MAP3K21: variants seen among roughly 807,000 people sequenced by gnomAD.
MAP3K21 encodes mitogen-activated protein kinase kinase kinase MLK4.
A neutral mutation model predicts 86.1 loss-of-function variants in MAP3K21; 63 were observed. That is an observed-to-expected ratio of 0.73 (90% CI 0.60 to 0.90). MAP3K21 has a LOEUF of 0.90. Ranked by LOEUF, MAP3K21 falls within the 40% of genes least tolerant of loss-of-function variation. The pLI is 0.00. For synonymous variants in MAP3K21, 558 were observed against 564.8 expected, an observed-to-expected ratio of 0.99 and a Z score of 0.17; for missense variants, 1,220 against 1,367.7, an observed-to-expected ratio of 0.89 and a Z score of 1.70.
chr1:233,380,293 A>G (rs1663890225), intron 9 of MAP3K21, among the ~76,000 whole-genome samples: 1 of 152,122 alleles, frequency 6.6e-6, no homozygotes, highest in Non-Finnish European at 1.5e-5. Context: ...TGACTTCTAG[A>G]CGGCCGTTTT....
intron 1 of MAP3K21, among the ~76,000 whole-genome samples, chr1:233,334,408 C>T (rs1294294): frequency 0.78 from 118,280 of 152,022 alleles, 46,280 homozygotes; most frequent in East Asian, 0.99. Context: ...TTCATTGAGA[C>T]TGATTGTCTT....
At chr1:233,349,507 A>G (rs1663207991) in intron 2 of MAP3K21, among the ~76,000 whole-genome samples, 2 of 152,214 alleles carry the variant, frequency 1.3e-5, no homozygotes, top group South Asian at 4.1e-4. Flanking sequence ...TCAAGAAGTA[A>G]GCAGAAGAGA....
At position 233,382,516 on chromosome 1, in the gene MAP3K21, C is replaced by G; in HGVS notation, c.2916C>G (p.Ala972=). 1 of 1,614,210 alleles carries G rather than the reference C, an allele frequency of 6.2e-7. No individual in the cohort carries two copies. Among genetic ancestry groups the G allele is most frequent in the Non-Finnish European group, 8.5e-7 (1 of 1,180,034 alleles). Residue 972 remains alanine, a synonymous_variant, in exon 10 of 10, where the codon GCC becomes GCG. Coordinates refer to ENST00000366624, the MANE Select transcript of MAP3K21 (RefSeq NM_032435.3). The part of the protein sequence containing the change: ...QTAVSQLAQT[A]CVVGRPGPHP... The stretch of plus-strand genomic sequence containing the variant: ...CAGTGTCTCAGCTGGCACAGACTGC[C>G]TGTGTAGTGGGTCGCCCAGGACCAC...
chr1:233,376,312 CTG>C (rs1663795346), intron 7 of MAP3K21, 116 bp from the exon 8 acceptor site: 2 of 808,216 alleles, frequency 2.5e-6, no homozygotes, highest in African/African-American at 3.5e-5. Context: ...CCCTTCAAAA[CTG>C]AGTACAAATG....
In MAP3K21 at chr1:233,365,291, C is replaced by G. The variant is rs563335370; in HGVS notation, c.1552+2998C>G. Among the ~76,000 whole-genome samples the G allele has an allele frequency of 1.6e-4, 25 of 152,160 alleles. No homozygotes were observed. The South Asian group carries it at 4.6e-3, about 28-fold the overall frequency. On this transcript the variant is annotated intron_variant, in intron 5 of 9. Transcript: ENST00000366624. The stretch of plus-strand genomic sequence containing the variant: ...AATAGACAATTGGGACTATATTGAA[C>G]CGAAAAGCTTCTGCACAGCAAAGGA...
intron 5 of MAP3K21, among the ~76,000 whole-genome samples, chr1:233,363,433 C>T (rs975542003): frequency 2.6e-5 from 4 of 152,168 alleles, no homozygotes; most frequent in Non-Finnish European, 5.9e-5. Context: ...TGCAGTGGCT[C>T]ATGCCTGTAA....
At chr1:233,336,100 G>A (rs927553482) in intron 1 of MAP3K21, among the ~76,000 whole-genome samples, 1 of 152,112 alleles carries the variant, frequency 6.6e-6, no homozygotes, top group African/African-American at 2.4e-5. Context: ...ATCTCTCTGA[G>A]AACTTTTTAA....
intron 7 of MAP3K21, 61 bp downstream of exon 7, chr1:233,376,127 A>C: frequency 2.9e-6 from 4 of 1,387,552 alleles, no homozygotes; most frequent in Non-Finnish European, 4.0e-6. Context: ...TCCTGTGTTA[A>C]TATCACATCA....
In MAP3K21 at chr1:233,355,464, T is replaced by C. The variant is rs75925848; in HGVS notation, c.1311+453T>C. Among the ~76,000 whole-genome samples, 79 of 152,290 alleles carry C rather than the reference T, an allele frequency of 5.2e-4. 3 individuals are homozygous for C. In the East Asian group the frequency reaches 0.015, roughly 29 times the overall value. ...TTGGAGATTGTTTTGAGTTTCAGTGTTATGCCATTTTTCTTACTACATGCT... is the reference window on the plus strand; with the variant it reads ...TTGGAGATTGTTTTGAGTTTCAGTGCTATGCCATTTTTCTTACTACATGCT... On this transcript the variant is annotated intron_variant, in intron 4 of 9. Transcript: ENST00000366624.
rs1415347955 is a variant in MAP3K21, at chr1:233,379,379, CT to C, written c.2374del (p.Ser792ProfsTer159). On this transcript the variant is annotated frameshift_variant, in exon 9 of 10. Coordinates refer to ENST00000366624, the MANE Select transcript of MAP3K21 (RefSeq NM_032435.3). LOFTEE classifies it high-confidence loss of function. The part of the protein sequence containing the change: ...STCGEASSPP[S>X]LPLSSALGIL... ...CCTGTGGGGAGGCCAGCAGCCCACC[CT>C]CCCTGCCACTGTCAAGTGCCCTGGG... is the stretch of plus-strand genomic sequence containing the variant. 6.2e-7 allele frequency: 1 copy of C among 1,614,246 alleles called. No homozygotes were observed. The highest frequency in any genetic ancestry group is 1.3e-5 in the African/African-American group (1 of 75,064).
chr1:233,362,351 T>C lies in MAP3K21; in HGVS notation c.1552+58T>C. On this transcript the variant is annotated intron_variant, in intron 5 of 9. Coordinates refer to ENST00000366624, the MANE Select transcript of MAP3K21 (RefSeq NM_032435.3). The stretch of plus-strand genomic sequence containing the variant: ...TTTGTGTGTCCTCCTTTTAATCAGT[T>C]TTCTTTGTTCATCAGAACCAGGAAA... 1.3e-5 allele frequency: 20 copies of C among 1,581,224 alleles called. No homozygotes were observed. In the South Asian group the frequency reaches 2.2e-4, roughly 17 times the overall value.
rs150116429 is a variant in MAP3K21, at chr1:233,337,696, A to G, written c.806-8746A>G. ...CCTTGTTCCCTGCAGGTGTGCTGAG[A>G]TCTGTACACTTTGGCAGGCCTGCTG... On this transcript the variant is annotated intron_variant, in intron 1 of 9. Coordinates refer to ENST00000366624, the MANE Select transcript of MAP3K21 (RefSeq NM_032435.3). Among the ~76,000 whole-genome samples the G allele has an allele frequency of 1.7e-3, 261 of 152,274 alleles. 3 individuals carry two copies. Among genetic ancestry groups the G allele is most frequent in the African/African-American group, 6.1e-3 (252 of 41,542 alleles).
intron 2 of MAP3K21, among the ~76,000 whole-genome samples, chr1:233,349,956 C>T (rs896924233): frequency 2.0e-5 from 3 of 151,140 alleles, no homozygotes; most frequent in Admixed American, 6.6e-5. Flanking sequence ...AAAAAAAAGG[C>T]GAAAGATGAA....
At chr1:233,369,224 A>AG (rs1292897917) in intron 5 of MAP3K21, among the ~76,000 whole-genome samples, 3 of 149,284 alleles carry the variant, frequency 2.0e-5, no homozygotes, top group African/African-American at 7.3e-5. Context: ...AAAATACAAA[A>AG]AAAAAAAAAA....
chr1:233,379,489 C>T lies in MAP3K21; in HGVS notation c.2483C>T (p.Thr828Ile). Residue 828 changes from threonine (T) to isoleucine (I), a missense_variant, in exon 9 of 10, where the codon ACT becomes ATT. Coordinates refer to ENST00000366624, the MANE Select transcript of MAP3K21 (RefSeq NM_032435.3). The stretch of plus-strand genomic sequence containing the variant: ...CCACTGGTGGACAGTGCACCTGTCA[C>T]TTGTGACTCTGAGATGCTCACTCCG... Reference protein sequence around the residue: ...EDPLVDSAPVTCDSEMLTPDF... With the variant: ...EDPLVDSAPVICDSEMLTPDF... 1 of 1,614,198 alleles carries T rather than the reference C, an allele frequency of 6.2e-7. No homozygotes were observed. Among genetic ancestry groups the T allele is most frequent in the Non-Finnish European group, 8.5e-7 (1 of 1,180,042 alleles).
intron 1 of MAP3K21, among the ~76,000 whole-genome samples, chr1:233,333,183 T>A (rs991448986): frequency 6.6e-6 from 1 of 152,206 alleles, no homozygotes; most frequent in Non-Finnish European, 1.5e-5. Context: ...ATCAGAGTGA[T>A]TTGGGGAAGC....
intron 2 of MAP3K21, among the ~76,000 whole-genome samples, chr1:233,352,864 TGAA>T (rs1663276006): frequency 6.6e-6 from 1 of 152,248 alleles, no homozygotes; most frequent in Non-Finnish European, 1.5e-5. Flanking sequence ...CTTTATGTTT[TGAA>T]GAAGAATAAG....
intron 1 of MAP3K21, among the ~76,000 whole-genome samples, chr1:233,339,743 C>A (rs750916332): frequency 6.6e-6 from 1 of 151,986 alleles, no homozygotes; most frequent in Non-Finnish European, 1.5e-5. Flanking sequence ...TTTAGCCTCC[C>A]AAAGTGCTGG....
chr1:233,358,974 TA>T (rs1157731620), intron 4 of MAP3K21, among the ~76,000 whole-genome samples: 1 of 151,716 alleles, frequency 6.6e-6, no homozygotes, highest in Non-Finnish European at 1.5e-5. Context: ...CACACCCGGC[TA>T]ATTTTTTTTG....
Sources: allele counts gnomAD v4.1 joint callset (sites outside exome capture counted in the v4.1 genomes callset), GRCh38; gene constraint gnomAD v4.1.1; transcripts MANE v1.5; gene names NCBI Gene and HGNC (gene_info 2026-07-23, HGNC 2026-07-21).